Variants in FBN1 observed in about 807,000 individuals in gnomAD.
The protein encoded by FBN1 is fibrillin 1.
Under a neutral mutation model 365.1 loss-of-function variants are expected in FBN1, and 29 were observed. That is an observed-to-expected ratio of 0.08 (90% CI 0.06 to 0.11). The LOEUF is 0.11. Among genes scored for constraint, FBN1 ranks in the 10% least tolerant of loss-of-function variants. The pLI is 1.00. For synonymous variants in FBN1, 1,210 were observed against 1,270.5 expected (o/e 0.95, Z 1.01); for missense variants, 2,476 against 3,703.2 (o/e 0.67, Z 8.60).
At chr15:48,527,667 GT>G (rs763360740) in intron 8 of FBN1, among the ~76,000 whole-genome samples, 126 of 152,354 alleles carry the variant, frequency 8.3e-4, no homozygotes, top group Non-Finnish European at 1.6e-3. Flanking sequence ...CACCTTGTTA[GT>G]AAAAAAGGCA....
At position 48,492,594 on chromosome 15, in the gene FBN1, G is replaced by T. The variant is rs775257418; in HGVS notation, c.2729-8C>A. 2.6e-6 allele frequency: 4 copies of T among 1,556,668 alleles called. No homozygotes were observed. The highest frequency in any genetic ancestry group is 3.5e-6 in the Non-Finnish European group (4 of 1,137,450). On this transcript the variant is annotated splice_region_variant and splice_polypyrimidine_tract_variant and intron_variant, in intron 23 of 65. Coordinates refer to ENST00000316623, the MANE Select transcript of FBN1 (RefSeq NM_000138.5). ...CTTCACATTCATCTATATCTAAAAA[G>T]AAAAAAAAAGTATAAAGTTAATATA...
intron 7 of FBN1, among the ~76,000 whole-genome samples, chr15:48,537,279 T>C (rs551791396): frequency 6.6e-6 from 1 of 152,306 alleles, no homozygotes; most frequent in South Asian, 2.1e-4. Context: ...TAAACTACCT[T>C]GTTCACAAAC....
In FBN1 at chr15:48,487,034, G is replaced by GTAAAA. The variant is rs72158035; in HGVS notation, c.3589+36_3589+40dup. The GTAAAA allele has an allele frequency of 3.4e-4, 439 of 1,280,678 alleles. No homozygotes were observed. The highest frequency in any genetic ancestry group is 3.3e-3 in the African/African-American group (209 of 63,498). The allele number at this position is 1,280,678 out of a possible 1,614,324, so 79.3% of individuals were successfully genotyped here. ...ATAACATAACATAACATAAAATAAA[G>GTAAAA]TAAAATAAAATAAAATAAAATAAAA... is the stretch of plus-strand genomic sequence containing the variant. On this transcript the variant is annotated intron_variant, in intron 29 of 65. Coordinates refer to ENST00000316623, the MANE Select transcript of FBN1 (RefSeq NM_000138.5).
intron 9 of FBN1, 41 bp downstream of exon 9, chr15:48,526,089 G>A: frequency 1.2e-6 from 2 of 1,612,500 alleles, no homozygotes; most frequent in Non-Finnish European, 1.7e-6. Flanking sequence ...TTATGGAACT[G>A]ACTTACACAA....
At chr15:48,622,071 CAGAGT>C in intron 2 of FBN1, among the ~76,000 whole-genome samples, 1 of 152,046 alleles carries the variant, frequency 6.6e-6, no homozygotes, top group Middle Eastern at 3.4e-3. Context: ...ATGCTAACAA[CAGAGT>C]AAAGTGTCCA....
chr15:48,434,687 G>T lies in FBN1; in HGVS notation c.6523C>A (p.Pro2175Thr), dbSNP rs2043051465. Residue 2175 changes from proline to threonine, a missense_variant, in exon 54 of 66, where the codon CCT becomes ACT. Around this residue, in one of 5 missense-constraint regions of FBN1, gnomAD observed 1,780 missense variants for 2,840.8 expected, o/e 0.63. Transcript: ENST00000316623. ...VDTDECSVGNPCGNGTCKNVI... is the reference protein window; with the variant it reads ...VDTDECSVGNTCGNGTCKNVI... ...TTCTTGCAGGTTCCATTTCCACAAG[G>T]ATTGCCAACAGAACATTCATCAGTA... 1 of 1,613,716 alleles carries T rather than the reference G, an allele frequency of 6.2e-7. No individual in the cohort carries two copies. The highest frequency in any genetic ancestry group is 8.5e-7 in the Non-Finnish European group (1 of 1,179,726).
chr15:48,605,350 T>C (rs993052459), intron 4 of FBN1, among the ~76,000 whole-genome samples: 8 of 152,190 alleles, frequency 5.3e-5, no homozygotes, highest in Non-Finnish European at 1.2e-4. Flanking sequence ...AAAGCATTCC[T>C]AGACTTGACA....
At chr15:48,461,606 G>T (rs2043280794) in intron 42 of FBN1, among the ~76,000 whole-genome samples, 1 of 152,126 alleles carries the variant, frequency 6.6e-6, no homozygotes, top group Non-Finnish European at 1.5e-5. Context: ...TGCACACCAG[G>T]TGTGCATAAG....
chr15:48,522,419 A>G (rs2043866854), intron 9 of FBN1, among the ~76,000 whole-genome samples: 1 of 152,196 alleles, frequency 6.6e-6, no homozygotes, highest in Non-Finnish European at 1.5e-5. Flanking sequence ...CTCTTCTCCC[A>G]GTCCATGGAA....
In FBN1 at chr15:48,539,912, T is replaced by C. The variant is rs959567859; in HGVS notation, c.539-2104A>G. Among the ~76,000 whole-genome samples the C allele has an allele frequency of 3.9e-5, 6 of 152,334 alleles. No individual in the cohort carries two copies. In the East Asian group the frequency reaches 1.2e-3, roughly 29 times the overall value. ...TTGTATGCCAGATTTATTCAAAACC[T>C]GCTATCTTCTTCCACAGATACTGAA... On this transcript the variant is annotated intron_variant, in intron 6 of 65. Coordinates refer to ENST00000316623, the MANE Select transcript of FBN1 (RefSeq NM_000138.5).
chr15:48,644,528 G>A, intron 2 of FBN1, 78 bp downstream of exon 2: 1 of 1,601,674 alleles, frequency 6.2e-7, no homozygotes, highest in Non-Finnish European at 8.5e-7. Flanking sequence ...GTCTTCCACA[G>A]GGAGAGTCAT....
chr15:48,621,474 G>A (rs1469802317), intron 2 of FBN1, among the ~76,000 whole-genome samples: 1 of 152,044 alleles, frequency 6.6e-6, no homozygotes, highest in East Asian at 1.9e-4. Context: ...ATTCCACTAA[G>A]GGCCATTCTA....
At chr15:48,511,398 G>T (rs1386365938) in intron 13 of FBN1, among the ~76,000 whole-genome samples, 3 of 151,480 alleles carry the variant, frequency 2.0e-5, no homozygotes, top group African/African-American at 7.3e-5. Flanking sequence ...AAAAAAAATG[G>T]TAAAAACCAC....
chr15:48,476,346 T>A (rs921559725), intron 32 of FBN1, among the ~76,000 whole-genome samples: 1 of 152,216 alleles, frequency 6.6e-6, no homozygotes, highest in African/African-American at 2.4e-5. Flanking sequence ...TGACAAATAA[T>A]CTTATGTGGA....
Position 48,534,063 on chromosome 15 carries a change from A to G in FBN1, c.862+17T>C, listed in dbSNP as rs1331367201. ...CCCCCACTACACCCCCCAACTGCAA[A>G]GCATAAGATTTCTTACCTTCACATT... On this transcript the variant is annotated intron_variant, in intron 8 of 65. Coordinates refer to ENST00000316623, the MANE Select transcript of FBN1 (RefSeq NM_000138.5). 3 of 1,585,338 alleles carry G rather than the reference A, an allele frequency of 1.9e-6. No homozygotes were observed. The highest frequency in any genetic ancestry group is 2.7e-5 in the African/African-American group (2 of 73,826).
rs185941574 is a variant in FBN1, at chr15:48,472,275, C to T, written c.4336+276G>A. ...AATGGGTTGCACTGATTTAACCACA[C>T]TTGGTTACCCTCATTGACCAATGGA... On this transcript the variant is annotated intron_variant, in intron 35 of 65. Transcript: ENST00000316623. Among the ~76,000 whole-genome samples, 399 of 152,304 alleles carry T rather than the reference C, an allele frequency of 2.6e-3. 1 individual carries two copies. The highest frequency in any genetic ancestry group is 8.7e-3 in the African/African-American group (362 of 41,556).
intron 6 of FBN1, among the ~76,000 whole-genome samples, chr15:48,572,854 C>T (rs1189777391): frequency 6.6e-6 from 1 of 152,102 alleles, no homozygotes; most frequent in Non-Finnish European, 1.5e-5. Flanking sequence ...ACCAGGTAGA[C>T]AGTTTAAATA....
At chr15:48,554,028 T>C (rs1188685280) in intron 6 of FBN1, among the ~76,000 whole-genome samples, 1 of 152,178 alleles carries the variant, frequency 6.6e-6, no homozygotes, top group Non-Finnish European at 1.5e-5. Flanking sequence ...GTTAAGAAAT[T>C]TGCCCAAGGT....
intron 6 of FBN1, among the ~76,000 whole-genome samples, chr15:48,562,603 C>A (rs1480368862): frequency 6.6e-6 from 1 of 152,138 alleles, no homozygotes; most frequent in East Asian, 1.9e-4. Context: ...AAAGTATTTT[C>A]ATTTTCAAGG....
Sources: gnomAD v4.1 joint callset for allele counts (sites outside exome capture counted in the v4.1 genomes callset) on GRCh38, gnomAD v4.1.1 for gene constraint, gnomAD v4.1.1 regional missense constraint, MANE v1.5 for transcripts, NCBI Gene and HGNC (gene_info 2026-07-23, HGNC 2026-07-21) for gene names.